UBN1: variants seen among roughly 807,000 people sequenced by gnomAD.
The protein encoded by UBN1 is ubinuclein 1, also known as ubinuclein-1.
Under a neutral mutation model 108.5 loss-of-function variants are expected in UBN1, and 17 were observed. The observed-to-expected ratio is 0.16, with a 90% CI of 0.11 to 0.24. The LOEUF (loss-of-function observed/expected upper bound fraction) is 0.24, where lower values mean the gene tolerates loss of function less well. Among genes scored for constraint, UBN1 ranks in the 10% least tolerant of loss-of-function variants. The pLI, the probability that UBN1 is intolerant of heterozygous loss-of-function variation, is 1.00. For synonymous variants in UBN1, 726 were observed against 564.2 expected (o/e 1.29, Z -4.07); for missense variants, 1,595 against 1,394.4 (o/e 1.14, Z -2.29).
chr16:4,877,504 G>A lies in UBN1; in HGVS notation c.3355+30G>A, dbSNP rs2271134. The A allele has an allele frequency of 8.8e-6, 14 of 1,588,466 alleles. No homozygotes were observed. Among genetic ancestry groups the A allele is most frequent in the Admixed American group, 8.7e-5 (5 of 57,646 alleles). On this transcript the variant is annotated intron_variant, in intron 17 of 17. Transcript: ENST00000262376. The surrounding 1 kb of genome is among the most constrained non-coding windows in gnomAD (Gnocchi z 4.3). ...TCACCCGACGGTCAGTGTGCCACGCGCACCGTGTGCCTTTGCCCTCTCCAC... is the reference window on the plus strand; with the variant it reads ...TCACCCGACGGTCAGTGTGCCACGCACACCGTGTGCCTTTGCCCTCTCCAC...
At position 4,870,293 on chromosome 16, in the gene UBN1, C is replaced by T. The variant is rs1405818979; in HGVS notation, c.1263C>T (p.Ser421=). ...YAYLASFLPC[S]KDALLKRARK... is the part of the protein sequence containing the mutation. ...ATCTTGCGTCATTCCTGCCCTGCAG[C>T]AAGGATGCCCTGCTCAAGCGTGCTC... Residue 421 remains serine (S), a synonymous_variant, in exon 9 of 18, where the codon AGC becomes AGT. Transcript: ENST00000262376. The T allele has an allele frequency of 6.2e-7, 1 of 1,614,226 alleles. No homozygotes were observed. Among genetic ancestry groups the T allele is most frequent in the East Asian group, 2.2e-5 (1 of 44,872 alleles).
In UBN1 at chr16:4,877,389, T is replaced by C. The variant is rs747155839; in HGVS notation, c.3270T>C (p.Leu1090=). ...TCCCCTCCTGTTTTCTCTCAGGTCT[T>C]CTGGCTGGCTTGCACTCCAGCCCGC... is the stretch of plus-strand genomic sequence containing the variant. ...GSFHHGLGHS[L]LAGLHSSPPH... is the part of the protein sequence containing the mutation. The change falls in exon 17 of 18, where the codon CTT becomes CTC. Residue 1090 remains leucine (L), a synonymous_variant. Transcript: ENST00000262376. This position sits in a 1 kb window ranked among gnomAD's most constrained non-coding sequence, Gnocchi z 4.3. 11 of 1,610,708 alleles carry C rather than the reference T, an allele frequency of 6.8e-6. No homozygotes were observed. Among genetic ancestry groups the C allele is most frequent in the Non-Finnish European group, 9.3e-6 (11 of 1,178,114 alleles).
At chr16:4,872,433 C>T (rs1344855234) in intron 12 of UBN1, 1 of 441,924 alleles carries the variant, frequency 2.3e-6, no homozygotes, top group Non-Finnish European at 2.8e-6. Context: ...CTCCCCAATC[C>T]ATTGACCTTT....
chr16:4,860,049 C>T, intron 6 of UBN1, 81 bp downstream of exon 6: 1 of 1,565,458 alleles, frequency 6.4e-7, no homozygotes, highest in Non-Finnish European at 8.7e-7. Flanking sequence ...ACCTCCTCCC[C>T]ACAGCTTCGG....
In UBN1 at chr16:4,880,239, G is replaced by C; in HGVS notation, c.*107G>C. The C allele has an allele frequency of 7.6e-7, 1 of 1,307,740 alleles. No homozygotes were observed. The highest frequency in any genetic ancestry group is 1.1e-6 in the Non-Finnish European group (1 of 905,454). 81.0% of individuals were successfully genotyped at this position (1,307,740 alleles called of 1,614,324 possible). A position where few individuals can be genotyped will look rare whatever the true frequency, so the allele number is the denominator to read the frequency against. On this transcript the variant is annotated 3_prime_UTR_variant, in exon 18 of 18. Coordinates refer to ENST00000262376, the MANE Select transcript of UBN1 (RefSeq NM_001079514.3). ...CCTTTCTGCTGCTTGGTGTTCTTCT[G>C]GAGGAGCGTGAGTTCTCAGCGGAGC...
chr16:4,862,955 A>T (rs2087139538), intron 7 of UBN1, among the ~76,000 whole-genome samples: 1 of 152,232 alleles, frequency 6.6e-6, no homozygotes, highest in Non-Finnish European at 1.5e-5. Flanking sequence ...GGTGACCAGG[A>T]GAGGCTGATG....
rs541722609 is a variant in UBN1, at chr16:4,863,560, C to T, written c.1110+2458C>T. ...TTTAAAGTAAACCTGATGTATGTAA[C>T]TGGGACATTAGCAGTGTTACGTGTT... On this transcript the variant is annotated intron_variant, in intron 7 of 17. Coordinates refer to ENST00000262376, the MANE Select transcript of UBN1 (RefSeq NM_001079514.3). Among the ~76,000 whole-genome samples the T allele has an allele frequency of 8.1e-4, 123 of 152,272 alleles. 1 individual carries two copies. The highest frequency in any genetic ancestry group is 2.9e-3 in the African/African-American group (119 of 41,548).
intron 8 of UBN1, among the ~76,000 whole-genome samples, chr16:4,869,386 C>T (rs892419534): frequency 3.9e-5 from 6 of 152,224 alleles, no homozygotes; most frequent in Non-Finnish European, 7.3e-5. Flanking sequence ...CATGCCTGAG[C>T]CTCTGAGACA....
In UBN1 at chr16:4,874,320, C is replaced by T. The variant is rs763780830; in HGVS notation, c.1910C>T (p.Ser637Leu). Residue 637 changes from serine to leucine, a missense_variant, in exon 15 of 18, where the codon TCG (serine) becomes TTG (leucine). This residue lies in a region of UBN1 where 1,398 missense variants were observed against 1,194.7 expected (regional missense o/e 1.17). Transcript: ENST00000262376. ...HQTGGLSIGA[S>L]SRELPSQASG... The stretch of plus-strand genomic sequence containing the variant: ...ACAGGAGGCCTGAGTATTGGGGCCT[C>T]GAGCAGGGAGCTCCCATCCCAGGCA... 3.2e-5 allele frequency: 52 copies of T among 1,614,008 alleles called. No individual in the cohort carries two copies. The highest frequency in any genetic ancestry group is 1.1e-4 in the African/African-American group (8 of 74,922).
In UBN1 at chr16:4,860,936, A is replaced by T; in HGVS notation, c.944A>T (p.Asp315Val). 1 of 1,614,222 alleles carries T rather than the reference A, an allele frequency of 6.2e-7. No individual in the cohort carries two copies. The highest frequency in any genetic ancestry group is 8.5e-7 in the Non-Finnish European group (1 of 1,180,044). ...GCCATGGACTCGCTGACGGATTTGG[A>T]CTTGGAGCATCTGCTCAGTGAGTCT... ...ATAMDSLTDL[D>V]LEHLLSESPE... Residue 315 changes from aspartate (D) to valine (V), a missense_variant, in exon 7 of 18, where the codon GAC becomes GTC. Coordinates refer to ENST00000262376, the MANE Select transcript of UBN1 (RefSeq NM_001079514.3).
chr16:4,877,790 C>G lies in UBN1; in HGVS notation c.3355+316C>G. The G allele has an allele frequency of 9.6e-7, 1 of 1,042,582 alleles. No homozygotes were observed. 64.6% of individuals were successfully genotyped at this position (1,042,582 alleles called of 1,614,324 possible). A position where few individuals can be genotyped will look rare whatever the true frequency, so the allele number is the denominator to read the frequency against. On this transcript the variant is annotated intron_variant, in intron 17 of 17. Coordinates refer to ENST00000262376, the MANE Select transcript of UBN1 (RefSeq NM_001079514.3). This position sits in a 1 kb window ranked among gnomAD's most constrained non-coding sequence, Gnocchi z 4.3. ...CCTAACCCTCGGCTTGTTTTTTTCT[C>G]TTCAGTTTAAAAAAAAAAAAAAAGG...
intron 15 of UBN1, 36 bp from the exon 16 acceptor site, chr16:4,876,835 C>G (rs771601227): frequency 2.6e-6 from 4 of 1,551,134 alleles, no homozygotes; most frequent in Non-Finnish European, 3.5e-6. Flanking sequence ...ACGAACAGGA[C>G]TGGAGTTCTT....
At position 4,874,931 on chromosome 16, in the gene UBN1, C is replaced by T. The variant is rs35575708; in HGVS notation, c.2521C>T (p.Leu841Phe). 2,275 of 1,614,168 alleles carry T rather than the reference C, an allele frequency of 1.4e-3. 22 individuals carry two copies. The African/African-American group carries it at 0.027, about 19-fold the overall frequency. ...KASPTQCHRSLLQLVKTAAKG... is the reference protein window; with the variant it reads ...KASPTQCHRSFLQLVKTAAKG... ...TTCTCCCACACAGTGTCATCGTTCC[C>T]TCCTGCAGTTAGTGAAGACAGCGGC... The change falls in exon 15 of 18, where the codon CTC becomes TTC. Residue 841 changes from leucine to phenylalanine, a missense_variant. This residue lies in a region of UBN1 where 1,398 missense variants were observed against 1,194.7 expected (regional missense o/e 1.17). Transcript: ENST00000262376.
chr16:4,877,523 T>C lies in UBN1; in HGVS notation c.3355+49T>C. ...CCACGCGCACCGTGTGCCTTTGCCC[T>C]CTCCACCCCTAGGTGCTTTGCCGCT... On this transcript the variant is annotated intron_variant, in intron 17 of 17. Coordinates refer to ENST00000262376, the MANE Select transcript of UBN1 (RefSeq NM_001079514.3). This position sits in a 1 kb window ranked among gnomAD's most constrained non-coding sequence, Gnocchi z 4.3. 1 of 1,545,024 alleles carries C rather than the reference T, an allele frequency of 6.5e-7. No individual in the cohort carries two copies. The highest frequency in any genetic ancestry group is 1.4e-5 in the African/African-American group (1 of 72,922).
chr16:4,864,336 A>G (rs1461101970), intron 7 of UBN1, among the ~76,000 whole-genome samples: 1 of 152,110 alleles, frequency 6.6e-6, no homozygotes, highest in African/African-American at 2.4e-5. Context: ...AAACTCTGGG[A>G]AGCAAAATTA....
chr16:4,852,703 T>A (rs2086615947), intron 1 of UBN1, 176 bp from the exon 2 acceptor site: 2 of 586,218 alleles, frequency 3.4e-6, no homozygotes, highest in Admixed American at 6.9e-5. Context: ...TGACTATCTC[T>A]GAATGATTGT....
Position 4,847,488 on chromosome 16 carries a change from T to TC in UBN1, c.-757dup. The TC allele has an allele frequency of 1.8e-6, 1 of 567,896 alleles. No homozygotes were observed. The highest frequency in any genetic ancestry group is 3.6e-5 in the East Asian group (1 of 27,960). 35.2% of individuals were successfully genotyped at this position (567,896 alleles called of 1,614,324 possible). The stretch of plus-strand genomic sequence containing the variant: ...CGGAGCGCAGAGACTCCCGGCTCCT[T>TC]CCCCCTCCCTTCGGCTCGTGACAAC... On this transcript the variant is annotated 5_prime_UTR_variant, in exon 1 of 18. Transcript: ENST00000262376.
At chr16:4,849,166 C>T (rs983497097) in intron 1 of UBN1, among the ~76,000 whole-genome samples, 3 of 152,166 alleles carry the variant, frequency 2.0e-5, no homozygotes, top group African/African-American at 7.2e-5. Flanking sequence ...TAGAGGCATT[C>T]CCCTTAACAT....
chr16:4,871,915 A>G (rs942883714), intron 12 of UBN1, among the ~76,000 whole-genome samples: 3 of 152,110 alleles, frequency 2.0e-5, no homozygotes, highest in African/African-American at 4.8e-5. Context: ...ACAGGCTGCT[A>G]TGAGCATTTG....
Sources: gnomAD v4.1 joint callset for allele counts (sites outside exome capture counted in the v4.1 genomes callset) on GRCh38, gnomAD v4.1.1 for gene constraint, gnomAD v4.1.1 regional missense constraint, Gnocchi (gnomAD v3.1) non-coding constraint, MANE v1.5 for transcripts, NCBI Gene and HGNC (gene_info 2026-07-23, HGNC 2026-07-21) for gene names.